Variants in ANXA3 observed in about 807,000 individuals in gnomAD.
ANXA3 encodes the protein annexin A3.
ANXA3 carries 46 observed loss-of-function variants against 48.8 expected under a neutral mutation model. The observed-to-expected ratio is 0.94, with a 90% CI of 0.74 to 1.21. The LOEUF is 1.21. ANXA3 is among the 50% of genes most tolerant of loss of function. The pLI is 0.00. For missense variants in ANXA3, 383 were observed against 378.6 expected, an observed-to-expected ratio of 1.01 and a Z score of -0.10; for synonymous variants, 128 against 134.7, an observed-to-expected ratio of 0.95 and a Z score of 0.35.
intron 2 of ANXA3, among the ~76,000 whole-genome samples, chr4:78,570,734 T>A (rs1422093864): frequency 6.6e-6 from 1 of 152,248 alleles, no homozygotes; most frequent in African/African-American, 2.4e-5. Flanking sequence ...TCTCATTTAT[T>A]GGGGCTGTTA....
chr4:78,606,737 T>A (rs981957431), intron 12 of ANXA3, among the ~76,000 whole-genome samples: 1 of 152,158 alleles, frequency 6.6e-6, no homozygotes, highest in Non-Finnish European at 1.5e-5. Flanking sequence ...CTAAAATCTC[T>A]CTCTCTCTCT....
At chr4:78,590,282 T>C (rs1468134464) in intron 6 of ANXA3, among the ~76,000 whole-genome samples, 1 of 152,206 alleles carries the variant, frequency 6.6e-6, no homozygotes, top group Admixed American at 6.5e-5. Flanking sequence ...AATATTATTA[T>C]TTAGAAAAAT....
At chr4:78,553,737 G>C (rs1170332986) in intron 1 of ANXA3, among the ~76,000 whole-genome samples, 3 of 152,184 alleles carry the variant, frequency 2.0e-5, no homozygotes, top group Non-Finnish European at 2.9e-5. Context: ...ACTTTTCTCT[G>C]GGGGTGTCAG....
At position 78,592,519 on chromosome 4, in the gene ANXA3, G is replaced by GTATA. The variant is rs1375184544; in HGVS notation, c.483+900_483+903dup. Among the ~76,000 whole-genome samples the GTATA allele has an allele frequency of 5.3e-5, 8 of 152,262 alleles. No homozygotes were observed. The East Asian group carries it at 1.5e-3, about 29-fold the overall frequency. Reference sequence around the variant, plus strand: ...TTGCTGCAAACATATGCTCTCAGAGGTATATATTCCTAAGTGCACATCTGT... The same window carrying GTATA: ...TTGCTGCAAACATATGCTCTCAGAGGTATATATATATTCCTAAGTGCACATCTGT... On this transcript the variant is annotated intron_variant, in intron 7 of 12. Transcript: ENST00000264908.
At chr4:78,603,879 T>G (rs1389140680) in intron 11 of ANXA3, 1 of 153,992 alleles carries the variant, frequency 6.5e-6, no homozygotes, top group African/African-American at 2.4e-5. Context: ...CTTCCTCTTG[T>G]TGACTGTTTA....
chr4:78,569,657 T>C lies in ANXA3; in HGVS notation c.16-3523T>C, dbSNP rs558130833. Among the ~76,000 whole-genome samples the C allele has an allele frequency of 2.6e-5, 4 of 152,364 alleles. No homozygotes were observed. The South Asian group carries it at 8.3e-4, about 32-fold the overall frequency. The stretch of plus-strand genomic sequence containing the variant: ...ATTCTGCATCCTGGCCCTGCAGTTG[T>C]TGGTTCAGGAACACTGGGGTTGGGC... On this transcript the variant is annotated intron_variant, in intron 2 of 12. Transcript: ENST00000264908.
chr4:78,588,217 C>T (rs1723216880), intron 6 of ANXA3, among the ~76,000 whole-genome samples: 1 of 152,042 alleles, frequency 6.6e-6, no homozygotes, highest in Non-Finnish European at 1.5e-5. Context: ...CATGACAAAA[C>T]CCCGTCTCTA....
At position 78,560,384 on chromosome 4, in the gene ANXA3, C is replaced by T. The variant is rs1722603570; in HGVS notation, c.15+5896C>T. Among the ~76,000 whole-genome samples the T allele has an allele frequency of 2.0e-5, 3 of 152,276 alleles. No homozygotes were observed. In the South Asian group the frequency reaches 6.2e-4, roughly 32 times the overall value. Reference sequence around the variant, plus strand: ...AATTAAAGAATTCCCTAGAATGATTCACAGAACTCACTGAAAGTGCTATCC... The same window carrying T: ...AATTAAAGAATTCCCTAGAATGATTTACAGAACTCACTGAAAGTGCTATCC... On this transcript the variant is annotated intron_variant, in intron 2 of 12. Coordinates refer to ENST00000264908, the MANE Select transcript of ANXA3 (RefSeq NM_005139.3).
rs372351497 is a variant in ANXA3, at chr4:78,586,283, C to G, written c.336C>G (p.Ala112=). The change falls in exon 6 of 13, where the codon GCC becomes GCG. Residue 112 remains alanine (A), a synonymous_variant. Transcript: ENST00000264908. ...SMKGAGTNED[A]LIEILTTRTS... ...AGGGCGCGGGAACAAACGAAGATGCCTTGATTGAAATCTTAACTACCAGGA... is the reference window on the plus strand; with the variant it reads ...AGGGCGCGGGAACAAACGAAGATGCGTTGATTGAAATCTTAACTACCAGGA... 8 of 1,613,396 alleles carry G rather than the reference C, an allele frequency of 5.0e-6. No homozygotes were observed. In the East Asian group the frequency reaches 1.8e-4, roughly 36 times the overall value.
At chr4:78,569,745 A>G (rs1198720347) in intron 2 of ANXA3, among the ~76,000 whole-genome samples, 3 of 152,180 alleles carry the variant, frequency 2.0e-5, no homozygotes, top group Non-Finnish European at 2.9e-5. Context: ...CAGGAACCAC[A>G]CTTTGAGAAC....
At position 78,570,177 on chromosome 4, in the gene ANXA3, G is replaced by A. The variant is rs112656541; in HGVS notation, c.16-3003G>A. ...CCCTTTTTCAAGTTGGGGTGTGTGTGTGCGTACTTTCTTCCCCCCTTGTAA... is the reference window on the plus strand; with the variant it reads ...CCCTTTTTCAAGTTGGGGTGTGTGTATGCGTACTTTCTTCCCCCCTTGTAA... On this transcript the variant is annotated intron_variant, in intron 2 of 12. Coordinates refer to ENST00000264908, the MANE Select transcript of ANXA3 (RefSeq NM_005139.3). Among the ~76,000 whole-genome samples the A allele has an allele frequency of 9.3e-4, 141 of 152,308 alleles. 1 individual carries two copies. The highest frequency in any genetic ancestry group is 3.2e-3 in the African/African-American group (134 of 41,566).
intron 12 of ANXA3, among the ~76,000 whole-genome samples, chr4:78,607,435 G>A (rs1723673087): frequency 6.6e-6 from 1 of 152,058 alleles, no homozygotes; most frequent in Non-Finnish European, 1.5e-5. Context: ...TTCTCAGGGG[G>A]TAACCGGTGG....
chr4:78,579,110 G>T lies in ANXA3; in HGVS notation c.187G>T (p.Ala63Ser). ...RQLIVKEYQA[A>S]YGKELKDDLK... ...GCTGATTGTTAAGGAATATCAAGCA[G>T]CATATGGAAAGGTAAGGTCACATTA... Residue 63 changes from alanine to serine, a missense_variant, in exon 4 of 13, where the codon GCA becomes TCA. Coordinates refer to ENST00000264908, the MANE Select transcript of ANXA3 (RefSeq NM_005139.3). The T allele has an allele frequency of 6.2e-7, 1 of 1,609,664 alleles. No homozygotes were observed. The highest frequency in any genetic ancestry group is 8.5e-7 in the Non-Finnish European group (1 of 1,176,490).
chr4:78,566,617 A>ATATATATATAT (rs1722737156), intron 2 of ANXA3, among the ~76,000 whole-genome samples: 2 of 150,770 alleles, frequency 1.3e-5, no homozygotes, highest in South Asian at 2.1e-4. Flanking sequence ...AACAATGGGT[A>ATATATATATAT]CACATTGATA....
chr4:78,578,148 G>T (rs529619477), intron 3 of ANXA3, among the ~76,000 whole-genome samples: 1 of 151,894 alleles, frequency 6.6e-6, no homozygotes, highest in South Asian at 2.1e-4. Flanking sequence ...GGGCATGATT[G>T]CACATGCCTG....
At chr4:78,567,441 T>C (rs1471604032) in intron 2 of ANXA3, among the ~76,000 whole-genome samples, 4 of 152,198 alleles carry the variant, frequency 2.6e-5, no homozygotes, top group Non-Finnish European at 5.9e-5. Flanking sequence ...AGCACCTTTG[T>C]TACAAAAGAC....
intron 2 of ANXA3, among the ~76,000 whole-genome samples, chr4:78,570,822 T>C (rs1722828704): frequency 1.3e-5 from 2 of 152,158 alleles, no homozygotes; most frequent in Non-Finnish European, 2.9e-5. Flanking sequence ...CAATCTAACA[T>C]TGGGGTAGTT....
At chr4:78,570,702 CTGT>C (rs1291599906) in intron 2 of ANXA3, among the ~76,000 whole-genome samples, 2 of 152,194 alleles carry the variant, frequency 1.3e-5, no homozygotes, top group Non-Finnish European at 2.9e-5. Flanking sequence ...AATCTTGGTG[CTGT>C]TTATGTGAAA....
Position 78,582,249 on chromosome 4 carries a change from C to G in ANXA3, c.271C>G (p.Pro91Ala), listed in dbSNP as rs1380586939. The change falls in exon 5 of 13, where the codon CCA (proline) becomes GCA (alanine). Residue 91 changes from proline (P) to alanine (A), a missense_variant. Transcript: ENST00000264908. ...EHLMVALVTP[P>A]AVFDAKQLKK... Reference sequence around the variant, plus strand: ...TCTCATGGTGGCCCTAGTGACTCCACCAGCAGTCTTTGATGCAAAGCAGCT... The same window carrying G: ...TCTCATGGTGGCCCTAGTGACTCCAGCAGCAGTCTTTGATGCAAAGCAGCT... The G allele has an allele frequency of 1.1e-5, 17 of 1,613,572 alleles. No individual in the cohort carries two copies. The highest frequency in any genetic ancestry group is 1.3e-5 in the African/African-American group (1 of 75,018).
Sources: gnomAD v4.1 joint callset for allele counts (sites outside exome capture counted in the v4.1 genomes callset) on GRCh38, gnomAD v4.1.1 for gene constraint, MANE v1.5 for transcripts, NCBI Gene and HGNC (gene_info 2026-07-23, HGNC 2026-07-21) for gene names.